Variants in PARP6 observed in about 807,000 individuals in gnomAD.
The protein encoded by PARP6 is protein mono-ADP-ribosyltransferase PARP6.
PARP6 carries 27 observed loss-of-function variants against 92.0 expected under a neutral mutation model. The observed-to-expected ratio is 0.29, with a 90% CI of 0.22 to 0.40. The LOEUF is 0.40. Ranked by LOEUF, PARP6 falls within the 10% of genes least tolerant of loss-of-function variation. The probability of loss-of-function intolerance (pLI) is 1.00; values close to 1 mark genes in which losing one functional copy is unlikely to be tolerated. For missense variants in PARP6, 501 were observed against 784.5 expected (o/e 0.64, Z 4.32); for synonymous variants, 272 against 281.2 (o/e 0.97, Z 0.33).
intron 14 of PARP6, among the ~76,000 whole-genome samples, chr15:72,254,954 G>A (rs1480810850): frequency 3.3e-5 from 5 of 152,180 alleles, no homozygotes; most frequent in Admixed American, 3.3e-4. Context: ...GTGTTTGTGA[G>A]GGTGTTTCTG....
At chr15:72,268,027 C>T (rs955526023) in intron 2 of PARP6, among the ~76,000 whole-genome samples, 2 of 152,244 alleles carry the variant, frequency 1.3e-5, no homozygotes, top group African/African-American at 4.8e-5. Context: ...GCTGGGAATA[C>T]AGGCGTGAGC....
chr15:72,264,712 A>T, intron 7 of PARP6, 91 bp from the exon 8 acceptor site: 1 of 966,012 alleles, frequency 1.0e-6, no homozygotes, highest in South Asian at 1.4e-5. Context: ...TACATTCTAA[A>T]GATCATAGCT....
chr15:72,262,415 C>A (rs12438836), intron 8 of PARP6, among the ~76,000 whole-genome samples: 5,663 of 152,214 alleles, frequency 0.037, 186 homozygotes, highest in East Asian at 0.16. Flanking sequence ...GTAAGGTGAC[C>A]CTTCTACCTA....
At chr15:72,268,981 C>T (rs1029900219) in intron 2 of PARP6, among the ~76,000 whole-genome samples, 7 of 152,136 alleles carry the variant, frequency 4.6e-5, no homozygotes, top group African/African-American at 1.7e-4. Flanking sequence ...AAACAAAAAA[C>T]TCATCTGTGA....
In PARP6 at chr15:72,267,524, C is replaced by T; in HGVS notation, c.-47G>A. ...CTCTCAGGTCAGTGCTAGGCAGCACCCCTCCATACCACTAGCCGAACCAAG... is the reference window on the plus strand; with the variant it reads ...CTCTCAGGTCAGTGCTAGGCAGCACTCCTCCATACCACTAGCCGAACCAAG... On this transcript the variant is annotated 5_prime_UTR_variant, in exon 3 of 24. Transcript: ENST00000569795. 1 of 1,612,150 alleles carries T rather than the reference C, an allele frequency of 6.2e-7. No homozygotes were observed. Among genetic ancestry groups the T allele is most frequent in the Non-Finnish European group, 8.5e-7 (1 of 1,178,364 alleles).
rs761876987 is a variant in PARP6 at position 72,254,445 on chromosome 15, G to A, written c.1191+10C>T. 8 of 1,601,910 alleles carry A rather than the reference G, an allele frequency of 5.0e-6. No homozygotes were observed. Among genetic ancestry groups the A allele is most frequent in the Non-Finnish European group, 6.8e-6 (8 of 1,168,794 alleles). ...GGCAAAGGAGAGGGGACAGAGAGAA[G>A]GCAGAATACCTGGGTCATCTCCCGA... is the stretch of plus-strand genomic sequence containing the variant. On this transcript the variant is annotated intron_variant, in intron 15 of 23. Coordinates refer to ENST00000569795, the MANE Select transcript of PARP6 (RefSeq NM_001323532.2).
chr15:72,244,244 G>C (rs2083364332), intron 20 of PARP6: 1 of 152,136 alleles, frequency 6.6e-6, no homozygotes, highest in African/African-American at 2.4e-5. Context: ...AGATAATAAA[G>C]AACAATCTGA....
intron 6 of PARP6, 85 bp downstream of exon 6, chr15:72,265,328 C>G: frequency 4.1e-6 from 5 of 1,206,802 alleles, no homozygotes; most frequent in South Asian, 3.6e-5. Context: ...CCAAATACAG[C>G]ACTCGGGAAC....
chr15:72,260,862 T>A (rs548772807), intron 9 of PARP6, among the ~76,000 whole-genome samples, 174 bp from the exon 10 acceptor site: 3 of 152,276 alleles, frequency 2.0e-5, no homozygotes, highest in African/African-American at 7.2e-5. Context: ...AGATCACACA[T>A]CTGAATTAAA....
intron 20 of PARP6, among the ~76,000 whole-genome samples, chr15:72,246,212 C>T (rs182532026): frequency 2.3e-4 from 35 of 152,278 alleles, no homozygotes; most frequent in African/African-American, 8.4e-4. Context: ...TGCAGTGGCA[C>T]GATCTCAGCT....
intron 6 of PARP6, 72 bp from the exon 7 acceptor site, chr15:72,265,243 C>A (rs1164660256): frequency 9.3e-7 from 1 of 1,078,998 alleles, no homozygotes; most frequent in South Asian, 1.3e-5. Context: ...CCCTATATGA[C>A]ACACACATGC....
intron 15 of PARP6, 37 bp downstream of exon 15, chr15:72,254,418 C>A (rs746627541): frequency 2.1e-6 from 3 of 1,425,978 alleles, no homozygotes; most frequent in Middle Eastern, 1.7e-4. Context: ...TTGAACTGGG[C>A]AGGCAAAGGA....
chr15:72,269,930 A>G (rs2087155259), intron 2 of PARP6, among the ~76,000 whole-genome samples: 5 of 151,974 alleles, frequency 3.3e-5, no homozygotes. Context: ...AAAAAGAAAA[A>G]AAGAAATTCC....
Position 72,260,683 on chromosome 15 carries a change from G to A in PARP6, c.551C>T (p.Pro184Leu). The A allele has an allele frequency of 6.2e-7, 1 of 1,611,152 alleles. No homozygotes were observed. Among genetic ancestry groups the A allele is most frequent in the Non-Finnish European group, 8.5e-7 (1 of 1,177,266 alleles). ...LSIFSPIPKS[P>L]SFPIIQDSML... ...GGAGTCCTGTATGATAGGGAAACTG[G>A]GAGACCTGCAGAGAGAGAGCAAAGA... is the stretch of plus-strand genomic sequence containing the variant. Residue 184 changes from proline (P) to leucine (L), a missense_variant, in exon 10 of 24, where the codon CCC (proline) becomes CTC (leucine). This residue lies in a region of PARP6 where 291 missense variants were observed against 352.0 expected (regional missense o/e 0.83). Coordinates refer to ENST00000569795, the MANE Select transcript of PARP6 (RefSeq NM_001323532.2).
In PARP6 at chr15:72,271,169, A is replaced by G. The variant is rs1351648118; in HGVS notation, c.-341T>C. The G allele has an allele frequency of 6.6e-6, 1 of 152,130 alleles. No individual in the cohort carries two copies. Among genetic ancestry groups the G allele is most frequent in the Non-Finnish European group, 1.5e-5 (1 of 68,024 alleles). 9.4% of individuals were successfully genotyped at this position (152,130 alleles called of 1,614,324 possible). ...GTCCAGCCTGGGTTGCCCTGGGGTG[A>G]GGGGTAGGATGACGGCAGCGTTAGG... On this transcript the variant is annotated 5_prime_UTR_variant, in exon 2 of 24. Coordinates refer to ENST00000569795, the MANE Select transcript of PARP6 (RefSeq NM_001323532.2).
intron 9 of PARP6, 51 bp downstream of exon 9, chr15:72,261,507 T>C: frequency 7.0e-7 from 1 of 1,420,838 alleles, no homozygotes; most frequent in Non-Finnish European, 9.6e-7. Context: ...AAGGTGGGGG[T>C]GGGGGCTATC....
Position 72,242,563 on chromosome 15 carries a change from C to T in PARP6, c.1641+57G>A. 8.5e-7 allele frequency: 1 copy of T among 1,181,822 alleles called. No individual in the cohort carries two copies. The highest frequency in any genetic ancestry group is 2.3e-5 in the East Asian group (1 of 42,970). 73.2% of individuals were successfully genotyped at this position (1,181,822 alleles called of 1,614,324 possible). On this transcript the variant is annotated intron_variant, in intron 21 of 23. Transcript: ENST00000569795. The surrounding 1 kb of genome is among the most constrained non-coding windows in gnomAD (Gnocchi z 4.3). The stretch of plus-strand genomic sequence containing the variant: ...CACCCCACTGTTTCCCTGTCCAGCT[C>T]TGGAGCCTAAATTAGCCCCAGGGAA...
At chr15:72,249,160 G>T (rs2084010356) in intron 20 of PARP6, 85 bp downstream of exon 20, 1 of 706,060 alleles carries the variant, frequency 1.4e-6, no homozygotes, top group Non-Finnish European at 2.5e-6. Flanking sequence ...TATCCATAAT[G>T]AGGGAGGAAC....
Position 72,242,472 on chromosome 15 carries a change from C to T in PARP6, c.1641+148G>A, listed in dbSNP as rs940138087. The T allele has an allele frequency of 2.5e-5, 17 of 674,240 alleles. No individual in the cohort carries two copies. The East Asian group carries it at 2.6e-4, about 10-fold the overall frequency. 41.8% of individuals were successfully genotyped at this position (674,240 alleles called of 1,614,324 possible). ...GACTTCAGCTACATATGACTCCAGA[C>T]GTGTGTTCACTTTAGAACATACCTG... On this transcript the variant is annotated intron_variant, in intron 21 of 23. Coordinates refer to ENST00000569795, the MANE Select transcript of PARP6 (RefSeq NM_001323532.2). This position sits in a 1 kb window ranked among gnomAD's most constrained non-coding sequence, Gnocchi z 4.3.
Sources: allele counts gnomAD v4.1 joint callset (sites outside exome capture counted in the v4.1 genomes callset), GRCh38; gene constraint gnomAD v4.1.1; regional missense constraint gnomAD v4.1.1; non-coding constraint Gnocchi (gnomAD v3.1); transcripts MANE v1.5; gene names NCBI Gene and HGNC (gene_info 2026-07-23, HGNC 2026-07-21).